Variants in RBM20 observed in about 807,000 individuals in gnomAD.
The protein encoded by RBM20 is RNA-binding protein 20.
RBM20 carries 51 observed loss-of-function variants against 110.1 expected under a neutral mutation model. The observed-to-expected ratio is 0.46, with a 90% CI of 0.37 to 0.59. The LOEUF is 0.59. Ranked by LOEUF, RBM20 falls within the 20% of genes least tolerant of loss-of-function variation. RBM20 has a pLI of 0.00. For synonymous variants in RBM20, 589 were observed against 618.2 expected, an observed-to-expected ratio of 0.95 and a Z score of 0.70; for missense variants, 1,512 against 1,574.9, an observed-to-expected ratio of 0.96 and a Z score of 0.68.
chr10:110,784,340 G>T lies in RBM20; in HGVS notation c.1338-1G>T, dbSNP rs1265727354. 1.0e-5 allele frequency: 16 copies of T among 1,550,030 alleles called. No individual in the cohort carries two copies. Among genetic ancestry groups the T allele is most frequent in the African/African-American group, 1.4e-5 (1 of 73,002 alleles). On this transcript the variant is annotated splice_acceptor_variant, in intron 3 of 13. Coordinates refer to ENST00000369519, the MANE Select transcript of RBM20 (RefSeq NM_001134363.3). LOFTEE classifies it high-confidence loss of function. ...CGGTTTCCCTTTCTCGCCCTCTCCA[G>T]TGCTGGCATCCGGTGTATACTTGGT... is the stretch of plus-strand genomic sequence containing the variant.
intron 1 of RBM20, among the ~76,000 whole-genome samples, chr10:110,655,492 G>T (rs1030345914): frequency 2.0e-5 from 3 of 152,124 alleles, no homozygotes; most frequent in Non-Finnish European, 4.4e-5. Flanking sequence ...TAACAGACAC[G>T]ATAGTTTGAT....
At chr10:110,715,158 G>A (rs1862996061) in intron 1 of RBM20, among the ~76,000 whole-genome samples, 1 of 152,180 alleles carries the variant, frequency 6.6e-6, no homozygotes, top group South Asian at 2.1e-4. Flanking sequence ...TGAATTGGGA[G>A]AATCGCTTGA....
intron 1 of RBM20, among the ~76,000 whole-genome samples, chr10:110,667,331 C>T (rs779741543): frequency 6.6e-6 from 1 of 152,180 alleles, no homozygotes; most frequent in Non-Finnish European, 1.5e-5. Flanking sequence ...TTCTTGGGGA[C>T]CTTGGGCCAC....
At chr10:110,720,526 C>G (rs1843492836) in intron 1 of RBM20, among the ~76,000 whole-genome samples, 1 of 152,198 alleles carries the variant, frequency 6.6e-6, no homozygotes, top group East Asian at 1.9e-4. Context: ...AGTCCATCAG[C>G]AGATCCTCTC....
intron 7 of RBM20, among the ~76,000 whole-genome samples, chr10:110,801,842 G>A (rs533464664): frequency 6.6e-6 from 1 of 151,994 alleles, no homozygotes; most frequent in African/African-American, 2.4e-5. Context: ...ACCGTGCCTG[G>A]CCAGTTTATC....
At chr10:110,659,316 A>C (rs1014372417) in intron 1 of RBM20, among the ~76,000 whole-genome samples, 1 of 152,120 alleles carries the variant, frequency 6.6e-6, no homozygotes, top group African/African-American at 2.4e-5. Flanking sequence ...TCTGGGCTCC[A>C]CTCTCAAGCC....
chr10:110,778,916 T>G (rs1308378937), intron 1 of RBM20, among the ~76,000 whole-genome samples: 1 of 152,242 alleles, frequency 6.6e-6, no homozygotes, highest in African/African-American at 2.4e-5. Context: ...CGGACACCCT[T>G]TCTGCAGTAA....
At chr10:110,821,993 A>G (rs375459042) in intron 11 of RBM20, 58 bp downstream of exon 11, 33 of 1,449,202 alleles carry the variant, frequency 2.3e-5, no homozygotes, top group East Asian at 1.7e-4. Context: ...TGCTCACCTG[A>G]TAAAGTATGA....
intron 1 of RBM20, among the ~76,000 whole-genome samples, chr10:110,773,159 C>G (rs1397734832): frequency 6.6e-6 from 1 of 152,188 alleles, no homozygotes; most frequent in Non-Finnish European, 1.5e-5. Flanking sequence ...TGCATTTGTT[C>G]TTAAGGAGAA....
chr10:110,737,386 T>C (rs1843683745), intron 1 of RBM20, among the ~76,000 whole-genome samples: 1 of 152,068 alleles, frequency 6.6e-6, no homozygotes, highest in Admixed American at 6.6e-5. Flanking sequence ...TTAAGTTACC[T>C]GGTCTAAGGT....
chr10:110,772,776 G>T (rs12258834), intron 1 of RBM20, among the ~76,000 whole-genome samples: 6 of 152,188 alleles, frequency 3.9e-5, no homozygotes, highest in Admixed American at 3.9e-4. Flanking sequence ...TGCAGAAATA[G>T]CTGAATTTGT....
chr10:110,744,281 C>T (rs990828171), intron 1 of RBM20, among the ~76,000 whole-genome samples: 1 of 152,214 alleles, frequency 6.6e-6, no homozygotes. Flanking sequence ...GTTTCTGTCA[C>T]CCTGATGTGA....
intron 1 of RBM20, among the ~76,000 whole-genome samples, chr10:110,670,131 T>G (rs1015200316): frequency 5.3e-5 from 8 of 152,236 alleles, no homozygotes; most frequent in African/African-American, 1.9e-4. Flanking sequence ...TGAAATAATA[T>G]TTACAGTTTG....
In RBM20 at chr10:110,760,425, C is replaced by CTTTTTTTTTTT. The variant is rs541027608; in HGVS notation, c.192-20358_192-20348dup. ...TATTAGCCCAGCTGAATTCCATCAT[C>CTTTTTTTTTTT]TTTTTTTTTTTTTTTTTTTTTTTTT... On this transcript the variant is annotated intron_variant, in intron 1 of 13. Transcript: ENST00000369519. 4.8e-4 allele frequency among the ~76,000 whole-genome samples: 28 copies of CTTTTTTTTTTT among 57,876 alleles called. 1 individual carries two copies. The highest frequency in any genetic ancestry group is 1.1e-3 in the South Asian group (1 of 882). The allele number at this position is 57,876 out of a possible 152,430, so 38.0% of individuals were successfully genotyped here.
intron 1 of RBM20, among the ~76,000 whole-genome samples, chr10:110,673,410 C>A (rs1862289267): frequency 6.6e-6 from 1 of 152,122 alleles, no homozygotes; most frequent in Non-Finnish European, 1.5e-5. Flanking sequence ...CAGGGTTTCA[C>A]TATGTTGGCC....
rs375050952 is a variant in RBM20 at position 110,650,747 on chromosome 10, G to T, written c.191+6102G>T. On this transcript the variant is annotated intron_variant, in intron 1 of 13. Coordinates refer to ENST00000369519, the MANE Select transcript of RBM20 (RefSeq NM_001134363.3). ...GTCTGGACATCTTAAATACTTTTTG[G>T]TTTTGCAACTTGTCTGTGGACTCCT... Among the ~76,000 whole-genome samples, 7 of 152,234 alleles carry T rather than the reference G, an allele frequency of 4.6e-5. No homozygotes were observed. The East Asian group carries it at 1.2e-3, about 25-fold the overall frequency.
intron 1 of RBM20, among the ~76,000 whole-genome samples, chr10:110,731,218 C>T (rs1843617925): frequency 1.3e-5 from 2 of 152,208 alleles, no homozygotes; most frequent in South Asian, 4.1e-4. Context: ...TTCCTCCCTC[C>T]TTTCTTATTT....
chr10:110,767,174 C>T (rs1346960257), intron 1 of RBM20, among the ~76,000 whole-genome samples: 3 of 125,430 alleles, frequency 2.4e-5, no homozygotes, highest in African/African-American at 8.4e-5. Flanking sequence ...TGACCCCCCC[C>T]ACCTCCCTCC....
At chr10:110,668,244 T>C (rs1862208319) in intron 1 of RBM20, among the ~76,000 whole-genome samples, 1 of 72,040 alleles carries the variant, frequency 1.4e-5, no homozygotes, top group Non-Finnish European at 3.1e-5. Flanking sequence ...GGGGCTACCT[T>C]GGGTGGGGAG....
Sources: gnomAD v4.1 joint callset for allele counts (sites outside exome capture counted in the v4.1 genomes callset) on GRCh38, gnomAD v4.1.1 for gene constraint, MANE v1.5 for transcripts, NCBI Gene and HGNC (gene_info 2026-07-23, HGNC 2026-07-21) for gene names.